The following PNO1 variants were observed in gnomAD, a reference collection of about 807,000 sequenced individuals.
PNO1 encodes partner of NOB1 homolog.
A neutral mutation model predicts 28.4 loss-of-function variants in PNO1; 16 were observed. That is an observed-to-expected ratio of 0.56 (90% confidence interval 0.38 to 0.85). The LOEUF (loss-of-function observed/expected upper bound fraction) is 0.85, where lower values mean the gene tolerates loss of function less well. PNO1 is among the 40% of genes least tolerant of loss of function. The pLI, the probability that PNO1 is intolerant of heterozygous loss-of-function variation, is 0.00. For missense variants in PNO1, 304 were observed against 312.2 expected (o/e 0.97, Z 0.20); for synonymous variants, 115 against 110.8 (o/e 1.04, Z -0.24).
rs1023551892 is a variant in PNO1 at position 68,159,530 on chromosome 2, C to T, written c.357+1001C>T. Among the ~76,000 whole-genome samples the T allele has an allele frequency of 7.2e-5, 11 of 151,984 alleles. 1 individual carries two copies. The highest frequency in any genetic ancestry group is 7.2e-4 in the Admixed American group (11 of 15,248). On this transcript the variant is annotated intron_variant, in intron 2 of 6. Transcript: ENST00000263657. ...CTATGTATATATTTTAAATTCTGTGCTATCAATCCGGGAATTAGACATTTA... is the reference window on the plus strand; with the variant it reads ...CTATGTATATATTTTAAATTCTGTGTTATCAATCCGGGAATTAGACATTTA...
In PNO1 at chr2:68,175,650, C is replaced by T. The variant is rs968380044; in HGVS notation, c.*848C>T. ...CATCAGTAAGAGCTCATCTTGGAAC[C>T]TGTTTTGCAGTTTCTTGCAGTTTCA... On this transcript the variant is annotated 3_prime_UTR_variant, in exon 7 of 7. Transcript: ENST00000263657. 4.4e-4 allele frequency: 29 copies of T among 65,282 alleles called. No homozygotes were observed. The African/African-American group carries it at 4.7e-3, about 11-fold the overall frequency. The allele number at this position is 65,282 out of a possible 1,614,324, so 4.0% of individuals were successfully genotyped here.
At chr2:68,164,819 T>C (rs1425199437) in intron 5 of PNO1, among the ~76,000 whole-genome samples, 3 of 152,004 alleles carry the variant, frequency 2.0e-5, no homozygotes, top group African/African-American at 7.2e-5. Flanking sequence ...AATTAATTAA[T>C]TTAAAATCCA....
intron 2 of PNO1, among the ~76,000 whole-genome samples, chr2:68,159,711 G>T (rs1171245181): frequency 6.6e-6 from 1 of 152,100 alleles, no homozygotes; most frequent in South Asian, 2.1e-4. Flanking sequence ...ACAAAGAAAG[G>T]CACTATTCTA....
At chr2:68,160,142 G>A (rs1407264167) in intron 2 of PNO1, among the ~76,000 whole-genome samples, 2 of 151,472 alleles carry the variant, frequency 1.3e-5, no homozygotes, top group South Asian at 2.1e-4. Flanking sequence ...CTAATTTTTT[G>A]TATTTTTTAG....
Position 68,162,543 on chromosome 2 carries a change from T to C in PNO1, c.503-3T>C. ...CTCCTGAGATCTTGCTTTTCTTGTT[T>C]AGTTAAACCCCTAAAGGGAGACCAT... On this transcript the variant is annotated splice_region_variant and splice_polypyrimidine_tract_variant and intron_variant, in intron 4 of 6. Coordinates refer to ENST00000263657, the MANE Select transcript of PNO1 (RefSeq NM_020143.4). The C allele has an allele frequency of 6.2e-7, 1 of 1,600,052 alleles. No homozygotes were observed. The highest frequency in any genetic ancestry group is 2.2e-5 in the East Asian group (1 of 44,804).
intron 5 of PNO1, among the ~76,000 whole-genome samples, chr2:68,165,981 C>T (rs1422192985): frequency 6.6e-6 from 1 of 152,156 alleles, no homozygotes; most frequent in Non-Finnish European, 1.5e-5. Context: ...AGTTGCCTGC[C>T]CCCACCCTTT....
At chr2:68,167,270 TG>T (rs112884642) in intron 5 of PNO1, among the ~76,000 whole-genome samples, 2,686 of 152,300 alleles carry the variant, frequency 0.018, 86 homozygotes, top group African/African-American at 0.06. Flanking sequence ...ACCACTTTGT[TG>T]CCTTTCGGTA....
chr2:68,171,983 G>C (rs189233651), intron 5 of PNO1, among the ~76,000 whole-genome samples: 1 of 152,082 alleles, frequency 6.6e-6, no homozygotes, highest in Non-Finnish European at 1.5e-5. Context: ...GAAATTATGG[G>C]GGGGTTGCAG....
In PNO1 at chr2:68,158,109, G is replaced by C; in HGVS notation, c.175G>C (p.Val59Leu). 2 of 1,609,160 alleles carry C rather than the reference G, an allele frequency of 1.2e-6. No individual in the cohort carries two copies. The highest frequency in any genetic ancestry group is 8.5e-7 in the Non-Finnish European group (1 of 1,177,886). ...TEEARPAKRP[V>L]FPPLCGDGLL... Reference sequence around the variant, plus strand: ...GGAGGCCAGGCCGGCGAAGAGGCCCGTCTTCCCACCCCTCTGTGGGGACGG... The same window carrying C: ...GGAGGCCAGGCCGGCGAAGAGGCCCCTCTTCCCACCCCTCTGTGGGGACGG... Residue 59 changes from valine (V) to leucine (L), a missense_variant, in exon 1 of 7, where the codon GTC becomes CTC. Physicochemically the swap from Val to Leu is conservative, Grantham distance 32. Transcript: ENST00000263657.
chr2:68,172,638 A>C (rs1198157849), intron 5 of PNO1, among the ~76,000 whole-genome samples: 3 of 152,214 alleles, frequency 2.0e-5, no homozygotes, highest in Non-Finnish European at 4.4e-5. Context: ...GTTGAAAACC[A>C]ATTATGTTGA....
chr2:68,172,363 C>T (rs13405923), intron 5 of PNO1, among the ~76,000 whole-genome samples: 4,911 of 152,212 alleles, frequency 0.032, 255 homozygotes, highest in African/African-American at 0.11. Context: ...CCAGAGGTAC[C>T]TGGTTTGTGG....
In PNO1 at chr2:68,158,091, A is replaced by AGGCCGGCGAAGAGGCCC; in HGVS notation, c.159_175dup (p.Val59GlyfsTer17). On this transcript the variant is annotated frameshift_variant, in exon 1 of 7. Transcript: ENST00000263657. LOFTEE classifies it high-confidence loss of function. ...GGGCCGCATGGACACAGAGGAGGCC[A>AGGCCGGCGAAGAGGCCC]GGCCGGCGAAGAGGCCCGTCTTCCC... The AGGCCGGCGAAGAGGCCC allele has an allele frequency of 6.2e-7, 1 of 1,612,264 alleles. No individual in the cohort carries two copies.
At chr2:68,160,770 A>G (rs1170613357) in intron 2 of PNO1, among the ~76,000 whole-genome samples, 1 of 152,228 alleles carries the variant, frequency 6.6e-6, no homozygotes, top group East Asian at 1.9e-4. Flanking sequence ...CTGATGAGAA[A>G]ACTCAAGACC....
At chr2:68,162,154 A>AT in intron 3 of PNO1, 111 bp from the exon 4 acceptor site, 2 of 807,338 alleles carry the variant, frequency 2.5e-6, no homozygotes, top group Non-Finnish European at 4.1e-6. Flanking sequence ...GAAAAAAAAA[A>AT]GCTTTCTAGC....
intron 5 of PNO1, among the ~76,000 whole-genome samples, chr2:68,170,713 A>T (rs907937094): frequency 1.5e-5 from 2 of 130,756 alleles, no homozygotes; most frequent in Non-Finnish European, 3.0e-5. Flanking sequence ...GCGCCACTGC[A>T]CTCCAGCCTG....
chr2:68,166,520 G>C (rs933808330), intron 5 of PNO1, among the ~76,000 whole-genome samples: 1 of 152,166 alleles, frequency 6.6e-6, no homozygotes, highest in Admixed American at 6.5e-5. Flanking sequence ...GGTTAATCTT[G>C]CTGTCTCATG....
intron 5 of PNO1, among the ~76,000 whole-genome samples, chr2:68,164,311 G>A (rs923453445): frequency 6.6e-6 from 1 of 152,028 alleles, no homozygotes; most frequent in Non-Finnish European, 1.5e-5. Flanking sequence ...GCAACATAGT[G>A]AAACCCCTTC....
rs137989060 is a variant in PNO1 at position 68,158,420 on chromosome 2, A to C, written c.248A>C (p.Asn83Thr). ...EETRKIPVPANRYTPLKENWM... is the reference protein window; with the variant it reads ...EETRKIPVPATRYTPLKENWM... ...ACAAGGAAAATTCCAGTCCCAGCTA[A>C]CAGATACACACCATTGAAAGAAAAC... Residue 83 changes from asparagine (N) to threonine (T), a missense_variant, in exon 2 of 7, where the codon AAC becomes ACC. Transcript: ENST00000263657. 2.0e-4 allele frequency: 321 copies of C among 1,613,230 alleles called. No homozygotes were observed. In the African/African-American group the frequency reaches 4.0e-3, roughly 20 times the overall value.
At chr2:68,169,156 C>T (rs958679900) in intron 5 of PNO1, among the ~76,000 whole-genome samples, 17 of 152,016 alleles carry the variant, frequency 1.1e-4, no homozygotes, top group Admixed American at 4.6e-4. Flanking sequence ...GTCTCAATCT[C>T]GTGACCTCGC....
Sources: allele counts gnomAD v4.1 joint callset (sites outside exome capture counted in the v4.1 genomes callset), GRCh38; gene constraint gnomAD v4.1.1; transcripts MANE v1.5; gene names NCBI Gene and HGNC (gene_info 2026-07-23, HGNC 2026-07-21).